Variants in ACAD10 observed in about 807,000 individuals in gnomAD.
The protein encoded by ACAD10 is acyl-CoA dehydrogenase family member 10.
Under a neutral mutation model 116.8 loss-of-function variants are expected in ACAD10, and 112 were observed. The ratio of observed to expected loss-of-function variants is 0.96; its 90% CI spans 0.82 to 1.12. The LOEUF is 1.12. Among genes scored for constraint, ACAD10 ranks in the 50% most tolerant of loss-of-function variants. The pLI is 0.00. For synonymous variants in ACAD10, 486 were observed against 510.6 expected, an observed-to-expected ratio of 0.95 and a Z score of 0.65; for missense variants, 1,259 against 1,350.2, an observed-to-expected ratio of 0.93 and a Z score of 1.06.
chr12:111,756,814 A>C lies in ACAD10; in HGVS notation c.*341A>C, dbSNP rs1356149708. On this transcript the variant is annotated 3_prime_UTR_variant, in exon 21 of 21. Transcript: ENST00000313698. ...AGTCCCTCTCTCTCTGCCTGTGGGA[A>C]TCTGGACACATTTTGGGAGGCCTCC... The C allele has an allele frequency of 6.2e-6, 3 of 480,824 alleles. No homozygotes were observed. Among genetic ancestry groups the C allele is most frequent in the Admixed American group, 4.6e-5 (2 of 43,246 alleles). The allele number at this position is 480,824 out of a possible 1,614,324, so 29.8% of individuals were successfully genotyped here.
At position 111,749,358 on chromosome 12, in the gene ACAD10, C is replaced by T. The variant is rs753233638; in HGVS notation, c.2817+13C>T. 5.6e-6 allele frequency: 9 copies of T among 1,605,192 alleles called. No individual in the cohort carries two copies. The highest frequency in any genetic ancestry group is 2.2e-5 in the East Asian group (1 of 44,660). ...CATGAAGGCCCGCGTGAGTGCTTTC[C>T]CCCGCACCCAGCACTGACTCAGAAC... On this transcript the variant is annotated intron_variant, in intron 18 of 20. Transcript: ENST00000313698.
At chr12:111,730,856 A>G (rs55864357) in intron 10 of ACAD10, among the ~76,000 whole-genome samples, 2,340 of 151,562 alleles carry the variant, frequency 0.015, 69 homozygotes, top group African/African-American at 0.053. Flanking sequence ...GGTTCAAGCA[A>G]TTCTCCCGCC....
At chr12:111,723,306 G>A (rs1466969138) in intron 8 of ACAD10, among the ~76,000 whole-genome samples, 21 of 135,948 alleles carry the variant, frequency 1.5e-4, no homozygotes, top group Admixed American at 1.4e-4. Flanking sequence ...CGGGGCGGCT[G>A]GCCGGGCGGG....
chr12:111,751,475 A>G (rs914011676), intron 18 of ACAD10, among the ~76,000 whole-genome samples: 1 of 152,208 alleles, frequency 6.6e-6, no homozygotes, highest in Non-Finnish European at 1.5e-5. Context: ...TAACGCCTGT[A>G]ATCTCAGCAC....
intron 18 of ACAD10, among the ~76,000 whole-genome samples, chr12:111,752,510 A>C (rs1890099944): frequency 6.6e-6 from 1 of 151,906 alleles, no homozygotes; most frequent in African/African-American, 2.4e-5. Flanking sequence ...TGGGAGGCTG[A>C]AGCAGGAGAA....
chr12:111,751,661 G>A (rs1890074235), intron 18 of ACAD10, among the ~76,000 whole-genome samples: 1 of 151,888 alleles, frequency 6.6e-6, no homozygotes, highest in Admixed American at 6.6e-5. Flanking sequence ...AATCCAGGAG[G>A]CGGAGGTTGC....
At chr12:111,699,784 G>A (rs1477233498) in intron 2 of ACAD10, among the ~76,000 whole-genome samples, 1 of 151,964 alleles carries the variant, frequency 6.6e-6, no homozygotes, top group African/African-American at 2.4e-5. Flanking sequence ...GCTGGGCATG[G>A]TAGCACGCAC....
chr12:111,711,804 G>T (rs146317800), intron 5 of ACAD10, among the ~76,000 whole-genome samples: 1 of 152,202 alleles, frequency 6.6e-6, no homozygotes, highest in South Asian at 2.1e-4. Flanking sequence ...GAGCCACCGC[G>T]CCCAGCTATG....
At chr12:111,733,814 G>T in intron 10 of ACAD10, 109 bp from the exon 11 acceptor site, 1 of 1,402,966 alleles carries the variant, frequency 7.1e-7, no homozygotes, top group South Asian at 1.2e-5. Context: ...CGGGCACAGA[G>T]GGGATGGGAG....
At chr12:111,711,539 T>C (rs1219261185) in intron 5 of ACAD10, among the ~76,000 whole-genome samples, 1 of 147,150 alleles carries the variant, frequency 6.8e-6, no homozygotes, top group East Asian at 2.0e-4. Context: ...TTTTTTTTTT[T>C]TTTGAGATGG....
rs200428782 is a variant in ACAD10 at position 111,705,832 on chromosome 12, A to T, written c.431A>T (p.Gln144Leu). 6.2e-7 allele frequency: 1 copy of T among 1,614,214 alleles called. No individual in the cohort carries two copies. Among genetic ancestry groups the T allele is most frequent in the Admixed American group, 1.7e-5 (1 of 60,024 alleles). ...CCAGTGATGACTGAGGCCATAACTC[A>T]AATTCGGGCAAAAGGTCTTCAGACT... ...QFPVMTEAIT[Q>L]IRAKGLQTAV... is the part of the protein sequence containing the mutation. Residue 144 changes from glutamine to leucine, a missense_variant, in exon 4 of 21, where the codon CAA becomes CTA. Transcript: ENST00000313698.
intron 1 of ACAD10, among the ~76,000 whole-genome samples, chr12:111,688,803 A>T (rs1887955904): frequency 6.6e-6 from 1 of 151,608 alleles, no homozygotes; most frequent in African/African-American, 2.4e-5. Flanking sequence ...CTCCGTCTCA[A>T]AACAAAACAA....
At chr12:111,726,637 G>T (rs1889221440) in intron 8 of ACAD10, among the ~76,000 whole-genome samples, 1 of 150,342 alleles carries the variant, frequency 6.7e-6, no homozygotes, top group African/African-American at 2.4e-5. Context: ...TGAGGCGGAT[G>T]GATTACGAGG....
At chr12:111,723,560 C>T (rs1889107304) in intron 8 of ACAD10, among the ~76,000 whole-genome samples, 1 of 141,256 alleles carries the variant, frequency 7.1e-6, no homozygotes, top group Non-Finnish European at 1.6e-5. Flanking sequence ...AGGCGCCCCT[C>T]ACCTCCCGGA....
chr12:111,748,498 A>T (rs1488484625), intron 17 of ACAD10, 23 bp downstream of exon 17: 39 of 1,611,536 alleles, frequency 2.4e-5, no homozygotes, highest in African/African-American at 4.0e-5. Context: ...GGGGCGGGTC[A>T]CCCCTGGGTG....
chr12:111,751,972 C>T (rs529388578), intron 18 of ACAD10, among the ~76,000 whole-genome samples: 2 of 151,662 alleles, frequency 1.3e-5, no homozygotes. Context: ...GCAGGAGAAT[C>T]GCCTGAACCC....
chr12:111,715,898 G>T lies in ACAD10; in HGVS notation c.928G>T (p.Val310Phe), dbSNP rs1888830753. 6.2e-7 allele frequency: 1 copy of T among 1,614,124 alleles called. No homozygotes were observed. Among genetic ancestry groups the T allele is most frequent in the African/African-American group, 1.3e-5 (1 of 75,036 alleles). ...YYIRLANRDL[V>F]LRKKPPGTLL... is the part of the protein sequence containing the mutation. ...CATCAGGCTGGCTAATCGTGATCTA[G>T]TTCTGAGGAAGAAGCCCCCAGGGAC... The change falls in exon 7 of 21, where the codon GTT (valine) becomes TTT (phenylalanine). Residue 310 changes from valine (V) to phenylalanine (F), a missense_variant. Physicochemically the swap from Val to Phe is conservative, Grantham distance 50. Transcript: ENST00000313698.
Position 111,736,893 on chromosome 12 carries a change from T to C in ACAD10, c.1603T>C (p.Tyr535His). The change falls in exon 12 of 21, where the codon TAC becomes CAC. Residue 535 changes from tyrosine (Y) to histidine (H), a missense_variant. Physicochemically the swap from Tyr to His is moderately conservative, Grantham distance 83 (BLOSUM62 2). Coordinates refer to ENST00000313698, the MANE Select transcript of ACAD10 (RefSeq NM_025247.6). Reference protein sequence around the residue: ...IPAAEEYFRMYCLQMGLPPTE... With the variant: ...IPAAEEYFRMHCLQMGLPPTE... ...TGCTGCAGAGGAGTATTTCAGGATGTACTGTCTCCAAATGGGGCTCCCTCC... is the reference window on the plus strand; with the variant it reads ...TGCTGCAGAGGAGTATTTCAGGATGCACTGTCTCCAAATGGGGCTCCCTCC... 1 of 1,614,222 alleles carries C rather than the reference T, an allele frequency of 6.2e-7. No individual in the cohort carries two copies. Among genetic ancestry groups the C allele is most frequent in the Non-Finnish European group, 8.5e-7 (1 of 1,180,040 alleles).
chr12:111,705,840 G>T lies in ACAD10; in HGVS notation c.439G>T (p.Ala147Ser). Residue 147 changes from alanine (A) to serine (S), a missense_variant, in exon 4 of 21, where the codon GCA (alanine) becomes TCA (serine). By Grantham distance (99) the Ala-to-Ser change is moderately conservative (BLOSUM62 1). Coordinates refer to ENST00000313698, the MANE Select transcript of ACAD10 (RefSeq NM_025247.6). ...GACTGAGGCCATAACTCAAATTCGG[G>T]CAAAAGGTCTTCAGACTGCAGTCTT... is the stretch of plus-strand genomic sequence containing the variant. The part of the protein sequence containing the change: ...VMTEAITQIR[A>S]KGLQTAVLSN... 1 of 1,614,136 alleles carries T rather than the reference G, an allele frequency of 6.2e-7. No individual in the cohort carries two copies. The highest frequency in any genetic ancestry group is 1.3e-5 in the African/African-American group (1 of 75,024).
Sources: allele counts gnomAD v4.1 joint callset (sites outside exome capture counted in the v4.1 genomes callset), GRCh38; gene constraint gnomAD v4.1.1; transcripts MANE v1.5; gene names NCBI Gene and HGNC (gene_info 2026-07-23, HGNC 2026-07-21).